The following CNTLN variants were observed in gnomAD, a reference collection of about 807,000 sequenced individuals.
The protein encoded by CNTLN is centlein, also known as centlein, centrosomal protein.
CNTLN carries 212 observed loss-of-function variants against 180.0 expected under a neutral mutation model. The observed-to-expected ratio is 1.18, with a 90% CI of 1.05 to 1.32. The LOEUF is 1.32. Among genes scored for constraint, CNTLN ranks in the 40% most tolerant of loss-of-function variants. The pLI, the probability that CNTLN is intolerant of heterozygous loss-of-function variation, is 0.00. For synonymous variants in CNTLN, 722 were observed against 563.1 expected, an observed-to-expected ratio of 1.28 and a Z score of -3.99; for missense variants, 2,095 against 1,610.9, an observed-to-expected ratio of 1.30 and a Z score of -5.14.
At chr9:17,330,958 G>A (rs1820605056) in intron 9 of CNTLN, 150 bp downstream of exon 9, 1 of 642,442 alleles carries the variant, frequency 1.6e-6, no homozygotes, top group Non-Finnish European at 2.6e-6. Context: ...TGTTAAATAA[G>A]TTTTAGGAGT....
chr9:17,215,733 A>G (rs1823701926), intron 2 of CNTLN, among the ~76,000 whole-genome samples: 1 of 151,804 alleles, frequency 6.6e-6, no homozygotes, highest in Non-Finnish European at 1.5e-5. Context: ...TTGTTTACCT[A>G]CTCAAGCCTC....
chr9:17,441,104 T>C (rs376008258), intron 18 of CNTLN, among the ~76,000 whole-genome samples: 2 of 152,180 alleles, frequency 1.3e-5, no homozygotes, highest in African/African-American at 4.8e-5. Flanking sequence ...CCAAGAATAT[T>C]ATGTCTGGCA....
At chr9:17,377,447 A>G (rs1008090068) in intron 13 of CNTLN, among the ~76,000 whole-genome samples, 1 of 152,168 alleles carries the variant, frequency 6.6e-6, no homozygotes, top group South Asian at 2.1e-4. Context: ...AGGCTGAGAC[A>G]GGATAATCCC....
At chr9:17,332,876 T>C (rs1044724605) in intron 10 of CNTLN, 146 bp downstream of exon 10, 2 of 417,980 alleles carry the variant, frequency 4.8e-6, no homozygotes, top group Admixed American at 4.8e-5. Context: ...TTCATCTTGT[T>C]ATTAAGATTT....
intron 25 of CNTLN, chr9:17,494,995 C>T (rs1289935737): frequency 4.5e-6 from 2 of 444,310 alleles, no homozygotes; most frequent in Non-Finnish European, 9.0e-6. Flanking sequence ...AGTTCTGCCT[C>T]AGCCTCCTGA....
intron 2 of CNTLN, among the ~76,000 whole-genome samples, chr9:17,205,622 A>C (rs1787584569): frequency 1.3e-5 from 2 of 152,206 alleles, no homozygotes; most frequent in Non-Finnish European, 2.9e-5. Flanking sequence ...CCTCTGAGCT[A>C]TTCAGGAGGA....
intron 6 of CNTLN, among the ~76,000 whole-genome samples, chr9:17,294,041 A>G (rs1305782099): frequency 1.3e-5 from 2 of 152,052 alleles, no homozygotes; most frequent in South Asian, 2.1e-4. Flanking sequence ...GCGTGTCCGG[A>G]GTTTGTTCCT....
chr9:17,422,894 T>C (rs1475635725), intron 18 of CNTLN, among the ~76,000 whole-genome samples: 2 of 152,198 alleles, frequency 1.3e-5, no homozygotes, highest in Non-Finnish European at 2.9e-5. Context: ...TTGAGTGTTA[T>C]GACCTAAGTC....
At chr9:17,501,039 A>T (rs1008719408) in intron 25 of CNTLN, among the ~76,000 whole-genome samples, 17 of 152,192 alleles carry the variant, frequency 1.1e-4, no homozygotes, top group African/African-American at 3.1e-4. Flanking sequence ...TGCTTTTCCC[A>T]CTTCTTCACA....
intron 18 of CNTLN, among the ~76,000 whole-genome samples, chr9:17,444,915 A>G (rs1465002213): frequency 6.6e-6 from 1 of 152,136 alleles, no homozygotes; most frequent in African/African-American, 2.4e-5. Context: ...CTTGAATAAT[A>G]TAGTATAGGT....
intron 2 of CNTLN, among the ~76,000 whole-genome samples, chr9:17,195,693 C>A (rs987574600): frequency 2.0e-5 from 3 of 152,100 alleles, no homozygotes; most frequent in African/African-American, 7.2e-5. Context: ...AAAAAGATAG[C>A]CCTTTTTGTG....
At chr9:17,434,584 A>G (rs1476880888) in intron 18 of CNTLN, among the ~76,000 whole-genome samples, 1 of 151,966 alleles carries the variant, frequency 6.6e-6, no homozygotes, top group Non-Finnish European at 1.5e-5. Flanking sequence ...ACCAGAGGCT[A>G]GTCTGTGTAT....
chr9:17,311,573 G>T (rs1237466065), intron 8 of CNTLN, among the ~76,000 whole-genome samples: 1 of 151,490 alleles, frequency 6.6e-6, no homozygotes, highest in African/African-American at 2.4e-5. Context: ...ACTTTGAGAG[G>T]CCGAGGCGGG....
chr9:17,382,264 G>C (rs1012892584), intron 13 of CNTLN, among the ~76,000 whole-genome samples: 1 of 152,114 alleles, frequency 6.6e-6, no homozygotes, highest in African/African-American at 2.4e-5. Flanking sequence ...TTTCATAATA[G>C]CTGGGCAGCA....
At chr9:17,359,747 A>AAAAAAAAAAAAAAAAAG (rs1823193844) in intron 12 of CNTLN, among the ~76,000 whole-genome samples, 1 of 131,244 alleles carries the variant, frequency 7.6e-6, no homozygotes, top group Admixed American at 7.8e-5. Context: ...AAAAAAAAAA[A>AAAAAAAAAAAAAAAAAG]AAACTAGCTG....
chr9:17,262,403 G>C (rs10962960), intron 5 of CNTLN, among the ~76,000 whole-genome samples: 25,463 of 151,252 alleles, frequency 0.17, 2,732 homozygotes, highest in South Asian at 0.28. Flanking sequence ...CCATAAAAGA[G>C]AATGAGTTCA....
intron 18 of CNTLN, among the ~76,000 whole-genome samples, chr9:17,423,657 A>T (rs1178090009): frequency 1.3e-5 from 2 of 152,166 alleles, no homozygotes. Flanking sequence ...TTTCATATTT[A>T]TTCAGTACTG....
At chr9:17,290,790 CCTTT>C (rs1205196002) in intron 6 of CNTLN, among the ~76,000 whole-genome samples, 2 of 151,974 alleles carry the variant, frequency 1.3e-5, no homozygotes, top group Non-Finnish European at 2.9e-5. Context: ...GTCTGTCACC[CCTTT>C]CTTTGACTCG....
Position 17,502,725 on chromosome 9 carries a change from T to A in CNTLN, c.*73T>A. On this transcript the variant is annotated 3_prime_UTR_variant, in exon 26 of 26. Coordinates refer to ENST00000380647, the MANE Select transcript of CNTLN (RefSeq NM_017738.4). ...TGTGATTGGAATACATGCATTGCAA[T>A]CCTGACACGGTATCTGCTCCAACTA... 1 of 526,984 alleles carries A rather than the reference T, an allele frequency of 1.9e-6. No individual in the cohort carries two copies. The highest frequency in any genetic ancestry group is 3.3e-6 in the Non-Finnish European group (1 of 300,256). The allele number at this position is 526,984 out of a possible 1,614,324, so 32.6% of individuals were successfully genotyped here.
Sources: allele counts gnomAD v4.1 joint callset (sites outside exome capture counted in the v4.1 genomes callset), GRCh38; gene constraint gnomAD v4.1.1; transcripts MANE v1.5; gene names NCBI Gene and HGNC (gene_info 2026-07-23, HGNC 2026-07-21).